Variants in MCTP2 observed in about 807,000 individuals in gnomAD.
MCTP2 encodes multiple C2 and transmembrane domain-containing protein 2.
MCTP2 carries 132 observed loss-of-function variants against 111.6 expected under a neutral mutation model. That is an observed-to-expected ratio of 1.18 (90% CI 1.03 to 1.37). The LOEUF (loss-of-function observed/expected upper bound fraction) is 1.37. Among genes scored for constraint, MCTP2 ranks in the 40% most tolerant of loss-of-function variants. MCTP2 has a pLI of 0.00. For synonymous variants in MCTP2, 395 were observed against 387.7 expected (o/e 1.02, Z -0.22); for missense variants, 1,183 against 1,067.9 (o/e 1.11, Z -1.50).
rs1435374811 is a variant in MCTP2 at position 94,478,991 on chromosome 15, G to C, written c.2594G>C (p.Cys865Ser). ...GTGCAGTATGCAGAATTGAAACTCT[G>C]CAGCAGCCACAGCCCCCTGCGGAAG... The part of the protein sequence containing the change: ...QKVQYAELKL[C>S]SSHSPLRKKR... The change falls in exon 23 of 23, where the codon TGC (cysteine) becomes TCC (serine). Residue 865 changes from cysteine (C) to serine (S), a missense_variant. By Grantham distance (112) the Cys-to-Ser change is moderately radical. Transcript: ENST00000357742. The C allele has an allele frequency of 1.2e-6, 2 of 1,613,938 alleles. No homozygotes were observed. The highest frequency in any genetic ancestry group is 1.7e-6 in the Non-Finnish European group (2 of 1,180,012).
chr15:94,461,595 TA>T (rs1459139047), intron 20 of MCTP2, among the ~76,000 whole-genome samples: 1 of 152,142 alleles, frequency 6.6e-6, no homozygotes, highest in Non-Finnish European at 1.5e-5. Flanking sequence ...CTTGAGTGGC[TA>T]GGGAAATCTC....
intron 17 of MCTP2, among the ~76,000 whole-genome samples, chr15:94,403,707 C>T (rs1188582622): frequency 1.3e-5 from 2 of 152,192 alleles, no homozygotes; most frequent in African/African-American, 4.8e-5. Context: ...CACTTCTCCA[C>T]GGCCTTTTCT....
At chr15:94,347,523 T>C (rs2078048297) in intron 8 of MCTP2, among the ~76,000 whole-genome samples, 1 of 152,186 alleles carries the variant, frequency 6.6e-6, no homozygotes, top group African/African-American at 2.4e-5. Context: ...TTGTAGATTC[T>C]TTTTTTCAAC....
intron 8 of MCTP2, among the ~76,000 whole-genome samples, chr15:94,355,695 A>T (rs941596709): frequency 3.3e-5 from 5 of 152,224 alleles, no homozygotes; most frequent in Non-Finnish European, 7.3e-5. Flanking sequence ...GTGGAGACAG[A>T]TTCAAATGTG....
At chr15:94,248,824 C>G (rs1298268697) in intron 1 of MCTP2, among the ~76,000 whole-genome samples, 1 of 152,238 alleles carries the variant, frequency 6.6e-6, no homozygotes, top group Non-Finnish European at 1.5e-5. Context: ...TCCGTGGAAA[C>G]TTACCCAGTG....
At chr15:94,430,398 C>G (rs1419079453) in intron 17 of MCTP2, among the ~76,000 whole-genome samples, 7 of 19,428 alleles carry the variant, frequency 3.6e-4, no homozygotes, top group South Asian at 3.6e-3. Flanking sequence ...AACAATCACA[C>G]ACACACACAC....
rs565883906 is a variant in MCTP2 at position 94,305,440 on chromosome 15, T to G, written c.465+6710T>G. ...AAGAGGAGGTAAGAGCACCATAGTC[T>G]ACTGCCACATACCAATACCTCCACA... On this transcript the variant is annotated intron_variant, in intron 2 of 22. Coordinates refer to ENST00000357742, the MANE Select transcript of MCTP2 (RefSeq NM_001385001.1). Among the ~76,000 whole-genome samples the G allele has an allele frequency of 2.0e-5, 3 of 152,286 alleles. No homozygotes were observed. The South Asian group carries it at 6.2e-4, about 32-fold the overall frequency.
chr15:94,453,775 G>T (rs1043341723), intron 19 of MCTP2, among the ~76,000 whole-genome samples: 2 of 152,064 alleles, frequency 1.3e-5, no homozygotes, highest in African/African-American at 4.8e-5. Flanking sequence ...TGTCTACCCT[G>T]GGGCCTTGAC....
Position 94,440,173 on chromosome 15 carries a change from C to T in MCTP2, c.2086-3C>T. 1 of 1,613,540 alleles carries T rather than the reference C, an allele frequency of 6.2e-7. No homozygotes were observed. The highest frequency in any genetic ancestry group is 1.3e-5 in the African/African-American group (1 of 74,992). On this transcript the variant is annotated splice_region_variant and splice_polypyrimidine_tract_variant and intron_variant, in intron 17 of 22. Transcript: ENST00000357742. The stretch of plus-strand genomic sequence containing the variant: ...CGTGTATTCTTATTTGTCTTTCAAT[C>T]AGGTATTTTTGATCACTGTCTGGAA...
At chr15:94,449,429 G>A (rs1315171738) in intron 19 of MCTP2, among the ~76,000 whole-genome samples, 1 of 152,050 alleles carries the variant, frequency 6.6e-6, no homozygotes, top group Non-Finnish European at 1.5e-5. Flanking sequence ...CATCTCTTCT[G>A]GTCTAAATCT....
intron 8 of MCTP2, among the ~76,000 whole-genome samples, chr15:94,348,166 A>G (rs942622840): frequency 2.0e-5 from 3 of 151,756 alleles, no homozygotes; most frequent in African/African-American, 4.8e-5. Context: ...TCTAGTGCCA[A>G]TTGTTGGCCT....
chr15:94,402,450 G>A, intron 17 of MCTP2: 1 of 1,550,410 alleles, frequency 6.4e-7, no homozygotes, highest in Non-Finnish European at 8.7e-7. Flanking sequence ...AGCCAGTTGG[G>A]ACATACTGAT....
At chr15:94,478,353 T>A (rs917601442) in intron 22 of MCTP2, among the ~76,000 whole-genome samples, 13 of 152,186 alleles carry the variant, frequency 8.5e-5, no homozygotes, top group African/African-American at 3.1e-4. Context: ...GCTAGTAAGA[T>A]CCTCCGTGTA....
At chr15:94,345,549 C>G (rs1232013571) in intron 8 of MCTP2, among the ~76,000 whole-genome samples, 1 of 152,156 alleles carries the variant, frequency 6.6e-6, no homozygotes, top group African/African-American at 2.4e-5. Flanking sequence ...ATGTGGTACA[C>G]TTTTTAAGTC....
intron 14 of MCTP2, among the ~76,000 whole-genome samples, chr15:94,386,802 A>AAAAAC (rs71135511): frequency 0.34 from 51,483 of 151,006 alleles, 11,036 homozygotes; most frequent in Non-Finnish European, 0.48. Context: ...AACATGACTT[A>AAAAAC]AAAACAAAAC....
At chr15:94,237,243 A>G (rs1366267352) in intron 1 of MCTP2, among the ~76,000 whole-genome samples, 2 of 152,210 alleles carry the variant, frequency 1.3e-5, no homozygotes, top group African/African-American at 2.4e-5. Flanking sequence ...AACTGATTGA[A>G]TAATGCAGTT....
rs2081491484 is a variant in MCTP2 at position 94,400,102 on chromosome 15, ACTC to A, written c.1965+114_1965+116del. On this transcript the variant is annotated intron_variant, in intron 16 of 22. Transcript: ENST00000357742. ...TTCCTTGAAACTTTTCCTCCCTCTTACTCCTCCTCTCTCCCTCTTGCCCCATCT... is the reference window on the plus strand; with the variant it reads ...TTCCTTGAAACTTTTCCTCCCTCTTACTCCTCTCTCCCTCTTGCCCCATCT... 22 of 855,020 alleles carry A rather than the reference ACTC, an allele frequency of 2.6e-5. 1 individual carries two copies. Among genetic ancestry groups the A allele is most frequent in the Middle Eastern group, 6.2e-4 (2 of 3,204 alleles). The allele number at this position is 855,020 out of a possible 1,614,324, so 53.0% of individuals were successfully genotyped here.
At position 94,330,486 on chromosome 15, in the gene MCTP2, T is replaced by C. The variant is rs28520444; in HGVS notation, c.638-8804T>C. ...TACAGATTCTAAGCAACTGTATTCA[T>C]TGATTCTCTGGCTTACTCCTTTCTT... On this transcript the variant is annotated intron_variant, in intron 4 of 22. Coordinates refer to ENST00000357742, the MANE Select transcript of MCTP2 (RefSeq NM_001385001.1). Among the ~76,000 whole-genome samples the C allele has an allele frequency of 1.5e-3, 229 of 151,784 alleles. 2 individuals are homozygous for C. The highest frequency in any genetic ancestry group is 5.2e-3 in the African/African-American group (215 of 41,320).
intron 21 of MCTP2, among the ~76,000 whole-genome samples, chr15:94,474,536 C>G (rs2074190363): frequency 6.6e-6 from 1 of 152,134 alleles, no homozygotes; most frequent in Non-Finnish European, 1.5e-5. Flanking sequence ...ATTCCTACGT[C>G]ACAACCTTTT....
Sources: allele counts gnomAD v4.1 joint callset (sites outside exome capture counted in the v4.1 genomes callset), GRCh38; gene constraint gnomAD v4.1.1; transcripts MANE v1.5; gene names NCBI Gene and HGNC (gene_info 2026-07-23, HGNC 2026-07-21).